Variants in ANOS1 observed in about 807,000 individuals in gnomAD.
ANOS1 encodes the protein anosmin 1.
A neutral mutation model predicts 59.0 loss-of-function variants in ANOS1; 6 were observed. The ratio of observed to expected loss-of-function variants is 0.10; its 90% CI spans 0.06 to 0.20. The LOEUF is 0.20. Ranked by LOEUF, ANOS1 falls within the 10% of genes least tolerant of loss-of-function variation. The pLI is 1.00. For synonymous variants in ANOS1, 217 were observed against 223.4 expected, an observed-to-expected ratio of 0.97 and a Z score of 0.25; for missense variants, 433 against 542.3, an observed-to-expected ratio of 0.80 and a Z score of 2.00.
intron 2 of ANOS1, among the ~76,000 whole-genome samples, chrX:8,637,827 T>C (rs1427627208): frequency 8.9e-6 from 1 of 112,541 alleles, no homozygotes. Flanking sequence ...AATTAGGTTA[T>C]GCTCATCAAT....
chrX:8,675,051 C>A (rs1266494688), intron 2 of ANOS1, among the ~76,000 whole-genome samples: 1 of 111,297 alleles, frequency 9.0e-6, no homozygotes, highest in Non-Finnish European at 1.9e-5. Flanking sequence ...TCATTTTTCC[C>A]AAATATGATC....
intron 9 of ANOS1, among the ~76,000 whole-genome samples, chrX:8,550,567 A>T (rs1929840213): frequency 9.0e-6 from 1 of 111,708 alleles, no homozygotes; most frequent in Admixed American, 9.6e-5. Flanking sequence ...AAACTAGAGG[A>T]CTATCATTAG....
Position 8,585,487 on chromosome X carries a change from C to T in ANOS1, c.727-91G>A, listed in dbSNP as rs1371318279. On this transcript the variant is annotated intron_variant, in intron 5 of 13. Coordinates refer to ENST00000262648, the MANE Select transcript of ANOS1 (RefSeq NM_000216.4). Reference sequence around the variant, plus strand: ...TGTTTAGAAAAATACACTAACCCATCAGCCAATGCAACTCAGTCTGTCTTC... The same window carrying T: ...TGTTTAGAAAAATACACTAACCCATTAGCCAATGCAACTCAGTCTGTCTTC... 5.0e-6 allele frequency: 5 copies of T among 1,005,762 alleles called. No homozygotes were observed. In the East Asian group the frequency reaches 1.5e-4, roughly 31 times the overall value. The allele number at this position is 1,005,762 out of a possible 1,213,427, so 82.9% of individuals were successfully genotyped here.
intron 2 of ANOS1, among the ~76,000 whole-genome samples, chrX:8,630,481 A>G (rs1390650442): frequency 8.9e-6 from 1 of 112,135 alleles, no homozygotes; most frequent in East Asian, 2.8e-4. Context: ...AAGAAATGAA[A>G]AAAAGGATAT....
chrX:8,728,608 AT>A (rs1932941364), intron 1 of ANOS1, among the ~76,000 whole-genome samples: 1 of 111,794 alleles, frequency 8.9e-6, no homozygotes, highest in Non-Finnish European at 1.9e-5. Context: ...AACCGCACAT[AT>A]GTATTCTACT....
chrX:8,624,978 G>A (rs113357536), intron 2 of ANOS1, among the ~76,000 whole-genome samples: 6,197 of 109,310 alleles, frequency 0.057, 426 homozygotes, highest in African/African-American at 0.2. Flanking sequence ...GCATTGTGGC[G>A]CCCACCTGTA....
intron 8 of ANOS1, among the ~76,000 whole-genome samples, chrX:8,567,807 A>C (rs1009332750): frequency 1.6e-4 from 18 of 111,394 alleles, no homozygotes; most frequent in African/African-American, 4.3e-4. Flanking sequence ...AATACCAAAC[A>C]AAACAAAACA....
At chrX:8,602,636 T>C (rs930472293) in intron 3 of ANOS1, among the ~76,000 whole-genome samples, 6 of 111,655 alleles carry the variant, frequency 5.4e-5, no homozygotes, top group African/African-American at 1.3e-4. Flanking sequence ...TGAAGGCAAA[T>C]TGTTAACTGT....
chrX:8,574,618 T>C (rs1185582482), intron 6 of ANOS1, among the ~76,000 whole-genome samples: 1 of 111,993 alleles, frequency 8.9e-6, no homozygotes, highest in Non-Finnish European at 1.9e-5. Context: ...CTTCCTCCTG[T>C]GCTGGATGCT....
chrX:8,725,124 C>T (rs939166337), intron 1 of ANOS1, among the ~76,000 whole-genome samples: 1 of 111,617 alleles, frequency 9.0e-6, no homozygotes. Flanking sequence ...TATTTCTATT[C>T]CTATTTCATA....
intron 1 of ANOS1, among the ~76,000 whole-genome samples, chrX:8,704,135 T>C (rs1343749489): frequency 8.9e-6 from 1 of 111,917 alleles, no homozygotes; most frequent in African/African-American, 3.2e-5. Flanking sequence ...GACATGGCTT[T>C]GCTCCTCCTT....
chrX:8,576,434 TGGA>T (rs887606112), intron 6 of ANOS1, among the ~76,000 whole-genome samples: 7 of 108,813 alleles, frequency 6.4e-5, no homozygotes, highest in African/African-American at 2.3e-4. Context: ...GAAATGTAGT[TGGA>T]GATTTCCATG....
At chrX:8,685,451 A>C (rs1318239624) in intron 2 of ANOS1, among the ~76,000 whole-genome samples, 1 of 107,186 alleles carries the variant, frequency 9.3e-6, no homozygotes, top group Non-Finnish European at 1.9e-5. Context: ...AAAGGGACAG[A>C]GAGGGAGGGA....
chrX:8,553,177 G>A (rs951458156), intron 9 of ANOS1, among the ~76,000 whole-genome samples: 2 of 108,747 alleles, frequency 1.8e-5, no homozygotes, highest in South Asian at 7.8e-4. Flanking sequence ...GTACCACCTT[G>A]ATAACAGAAA....
intron 1 of ANOS1, among the ~76,000 whole-genome samples, chrX:8,700,648 A>G (rs143537237): frequency 8.9e-6 from 1 of 112,452 alleles, no homozygotes; most frequent in Non-Finnish European, 1.9e-5. Context: ...AGCAAGCCTA[A>G]CAGCAATATC....
intron 8 of ANOS1, among the ~76,000 whole-genome samples, chrX:8,567,357 G>A (rs1030318598): frequency 5.4e-5 from 6 of 111,524 alleles, no homozygotes; most frequent in African/African-American, 2.0e-4. Flanking sequence ...GGAAAAACAG[G>A]CATGCCACAC....
intron 6 of ANOS1, among the ~76,000 whole-genome samples, chrX:8,572,843 T>C (rs1429415425): frequency 3.6e-5 from 4 of 110,913 alleles, no homozygotes; most frequent in African/African-American, 9.9e-5. Context: ...TCAAAAGTAC[T>C]GCATCAGGTG....
At chrX:8,679,920 G>C (rs1932395703) in intron 2 of ANOS1, among the ~76,000 whole-genome samples, 1 of 110,375 alleles carries the variant, frequency 9.1e-6, no homozygotes, top group African/African-American at 3.3e-5. Context: ...CAGCACTTTG[G>C]GAGGCCCAGG....
intron 1 of ANOS1, among the ~76,000 whole-genome samples, chrX:8,715,238 C>A (rs1053442812): frequency 1.8e-5 from 2 of 111,185 alleles, no homozygotes; most frequent in African/African-American, 3.3e-5. Flanking sequence ...TCTACTTAAT[C>A]TTATCCTATG....
Sources: allele counts gnomAD v4.1 joint callset (sites outside exome capture counted in the v4.1 genomes callset), GRCh38; gene constraint gnomAD v4.1.1; transcripts MANE v1.5; gene names NCBI Gene and HGNC (gene_info 2026-07-23, HGNC 2026-07-21).